Variants in NXPE3 observed in about 807,000 individuals in gnomAD.
The protein encoded by NXPE3 is neurexophilin and PC-esterase domain family member 3.
A neutral mutation model predicts 46.1 loss-of-function variants in NXPE3; 26 were observed. The ratio of observed to expected loss-of-function variants is 0.56; its 90% CI spans 0.41 to 0.78. The LOEUF (loss-of-function observed/expected upper bound fraction) is 0.78. Among genes scored for constraint, NXPE3 ranks in the 30% least tolerant of loss-of-function variants. The pLI is 0.00. For missense variants in NXPE3, 620 were observed against 686.0 expected, an observed-to-expected ratio of 0.90 and a Z score of 1.07; for synonymous variants, 272 against 257.9, an observed-to-expected ratio of 1.05 and a Z score of -0.52.
Position 101,821,813 on chromosome 3 carries a change from C to T in NXPE3, c.1539C>T (p.Phe513=), listed in dbSNP as rs1942271380. Reference sequence around the variant, plus strand: ...TGGACACCATCCTTCGGAGGATGTTCTCAGGGGTTGGAGTATATCTCGTCG... The same window carrying T: ...TGGACACCATCCTTCGGAGGATGTTTTCAGGGGTTGGAGTATATCTCGTCG... ...FQLDTILRRM[F]SGVGVYLVDA... is the part of the protein sequence containing the mutation. The change falls in exon 8 of 8, where the codon TTC becomes TTT. Residue 513 remains phenylalanine (F), a synonymous_variant. Coordinates refer to ENST00000273347, the MANE Select transcript of NXPE3 (RefSeq NM_145037.4). The T allele has an allele frequency of 6.2e-7, 1 of 1,614,176 alleles. No individual in the cohort carries two copies. The highest frequency in any genetic ancestry group is 1.1e-5 in the South Asian group (1 of 91,080).
chr3:101,807,807 CTA>C (rs904414856), intron 6 of NXPE3, among the ~76,000 whole-genome samples: 18 of 152,126 alleles, frequency 1.2e-4, no homozygotes, highest in African/African-American at 4.3e-4. Context: ...TGCCCAATAA[CTA>C]TATGTAGACA....
intron 7 of NXPE3, among the ~76,000 whole-genome samples, chr3:101,818,716 TATATATATA>T (rs1469948777): frequency 0.095 from 3,534 of 37,210 alleles, 229 homozygotes; most frequent in East Asian, 0.22. Context: ...TATGACAATT[TATATATATA>T]TATATATATA....
At chr3:101,813,676 A>G (rs1205532824) in intron 6 of NXPE3, among the ~76,000 whole-genome samples, 2 of 152,122 alleles carry the variant, frequency 1.3e-5, no homozygotes, top group African/African-American at 4.8e-5. Flanking sequence ...TTCACCAGCA[A>G]TTTTCAAGAT....
intron 7 of NXPE3, among the ~76,000 whole-genome samples, chr3:101,818,751 ATATTTTTTTTTTTTTT>A (rs1942109322): frequency 8.6e-5 from 1 of 11,618 alleles, no homozygotes; most frequent in African/African-American, 2.7e-4. Context: ...ATATATATAT[ATATTTTTTTTTTTTTT>A]TTTTTTTTTT....
Position 101,824,062 on chromosome 3 carries a change from C to T in NXPE3, c.*2108C>T, listed in dbSNP as rs967160756. Reference sequence around the variant, plus strand: ...GTTGCAGTGAGCCTTGATTGTGCCACTGTACTCCAGTCTGGGCAACAGGGC... The same window carrying T: ...GTTGCAGTGAGCCTTGATTGTGCCATTGTACTCCAGTCTGGGCAACAGGGC... On this transcript the variant is annotated 3_prime_UTR_variant, in exon 8 of 8. Transcript: ENST00000273347. The T allele has an allele frequency of 6.8e-6, 1 of 146,874 alleles. No individual in the cohort carries two copies. The highest frequency in any genetic ancestry group is 6.9e-5 in the Admixed American group (1 of 14,478). 9.1% of individuals were successfully genotyped at this position (146,874 alleles called of 1,614,324 possible).
rs767522775 is a variant in NXPE3 at position 101,811,512 on chromosome 3, C to T, written c.922+4386C>T. Among the ~76,000 whole-genome samples the T allele has an allele frequency of 5.9e-5, 9 of 152,034 alleles. No homozygotes were observed. In the South Asian group the frequency reaches 6.2e-4, roughly 11 times the overall value. ...CCAGAGATTTCACTTATTGTGTCAT[C>T]GTTTTGAGTCCTTCTTTGTTAGACT... On this transcript the variant is annotated intron_variant, in intron 6 of 7. Transcript: ENST00000273347.
chr3:101,816,101 T>C (rs1941958935), intron 6 of NXPE3, among the ~76,000 whole-genome samples: 3 of 151,772 alleles, frequency 2.0e-5, no homozygotes. Context: ...GAGGCGGAGG[T>C]TGCAGTGAGC....
At chr3:101,807,959 G>A (rs957204931) in intron 6 of NXPE3, among the ~76,000 whole-genome samples, 1 of 152,134 alleles carries the variant, frequency 6.6e-6, no homozygotes, top group African/African-American at 2.4e-5. Context: ...AGAGATATGG[G>A]TAAAATTATC....
intron 6 of NXPE3, among the ~76,000 whole-genome samples, chr3:101,812,329 C>T (rs114857169): frequency 0.074 from 11,203 of 151,960 alleles, 483 homozygotes; most frequent in African/African-American, 0.12. Context: ...TTTCGTTAAC[C>T]GGGAAAATCA....
At chr3:101,816,686 C>T (rs1179702527) in intron 6 of NXPE3, 109 bp from the exon 7 acceptor site, 1 of 814,628 alleles carries the variant, frequency 1.2e-6, no homozygotes, top group African/African-American at 1.7e-5. Context: ...AAATGTTTCC[C>T]ACATGCTATC....
In NXPE3 at chr3:101,826,741, A is replaced by T. The variant is rs622013; in HGVS notation, c.*4787A>T. 79,790 of 151,768 alleles carry T rather than the reference A, an allele frequency of 0.53. 21,311 individuals are homozygous for T. The highest frequency in any genetic ancestry group is 0.77 in the East Asian group (3,939 of 5,146). 9.4% of individuals were successfully genotyped at this position (151,768 alleles called of 1,614,324 possible). A position where few individuals can be genotyped will look rare whatever the true frequency, so the allele number is the denominator to read the frequency against. ...AAGTGCTTTTACATTTTAACTTTTT[A>T]AAAAAATGTGGGCCGGGCATAGTGG... is the stretch of plus-strand genomic sequence containing the variant. On this transcript the variant is annotated 3_prime_UTR_variant, in exon 8 of 8. Coordinates refer to ENST00000273347, the MANE Select transcript of NXPE3 (RefSeq NM_145037.4).
In NXPE3 at chr3:101,808,815, GAGGA is replaced by G. The variant is rs1281757142; in HGVS notation, c.922+1690_922+1693del. Among the ~76,000 whole-genome samples the G allele has an allele frequency of 9.6e-3, 121 of 12,662 alleles. 1 individual carries two copies. Among genetic ancestry groups the G allele is most frequent in the Non-Finnish European group, 0.016 (96 of 5,842 alleles). The allele number at this position is 12,662 out of a possible 152,430, so 8.3% of individuals were successfully genotyped here. The stretch of plus-strand genomic sequence containing the variant: ...TGAACCAAATGAATTACTAATTTTA[GAGGA>G]TATATATATATATATATATATATAT... On this transcript the variant is annotated intron_variant, in intron 6 of 7. Coordinates refer to ENST00000273347, the MANE Select transcript of NXPE3 (RefSeq NM_145037.4).
At chr3:101,804,043 T>A (rs1941296051) in intron 5 of NXPE3, among the ~76,000 whole-genome samples, 1 of 152,184 alleles carries the variant, frequency 6.6e-6, no homozygotes, top group South Asian at 2.1e-4. Flanking sequence ...GTAATTGGAG[T>A]ATCCATTGCC....
At chr3:101,808,704 C>T (rs1941541750) in intron 6 of NXPE3, among the ~76,000 whole-genome samples, 1 of 151,256 alleles carries the variant, frequency 6.6e-6, no homozygotes, top group Non-Finnish European at 1.5e-5. Context: ...AGCCAGGGCA[C>T]TGCCAGTTTA....
Position 101,821,437 on chromosome 3 carries a change from A to G in NXPE3, c.1163A>G (p.Asn388Ser), listed in dbSNP as rs1463666242. 1.2e-6 allele frequency: 2 copies of G among 1,614,036 alleles called. No individual in the cohort carries two copies. The highest frequency in any genetic ancestry group is 1.1e-5 in the South Asian group (1 of 91,082). ...LVEFNLGSPK[N>S]VGPFLAVDQK... ...GAGTTTAACTTGGGTAGTCCCAAGAATGTGGGTCCCTTCCTTGCAGTGGAC... is the reference window on the plus strand; with the variant it reads ...GAGTTTAACTTGGGTAGTCCCAAGAGTGTGGGTCCCTTCCTTGCAGTGGAC... Residue 388 changes from asparagine to serine, a missense_variant, in exon 8 of 8, where the codon AAT becomes AGT. Transcript: ENST00000273347.
In NXPE3 at chr3:101,801,957, C is replaced by T. The variant is rs1218989537; in HGVS notation, c.816C>T (p.Leu272=). 2 of 1,612,484 alleles carry T rather than the reference C, an allele frequency of 1.2e-6. No homozygotes were observed. Among genetic ancestry groups the T allele is most frequent in the East Asian group, 4.5e-5 (2 of 44,868 alleles). The change falls in exon 5 of 8, where the codon CTC becomes CTT. Residue 272 remains leucine (L), a synonymous_variant. Transcript: ENST00000273347. ...TCAAAGGTGGATACCTGAAAGGTCT[C>T]CTAACCGCTGCAGAGAGTGCTTTCT... The part of the protein sequence containing the change: ...THFKGGYLKG[L]LTAAESAFFQ...
chr3:101,790,992 G>A (rs984592388), intron 4 of NXPE3, among the ~76,000 whole-genome samples: 1 of 152,106 alleles, frequency 6.6e-6, no homozygotes, highest in Admixed American at 6.6e-5. Context: ...TACATGTAAA[G>A]GTTTGTTACA....
chr3:101,780,708 TGTTCA>T (rs1224550792), intron 1 of NXPE3, among the ~76,000 whole-genome samples: 1 of 152,228 alleles, frequency 6.6e-6, no homozygotes, highest in African/African-American at 2.4e-5. Flanking sequence ...CCTATCAATG[TGTTCA>T]ATATTTAAAA....
chr3:101,806,948 A>G, intron 5 of NXPE3, 105 bp from the exon 6 acceptor site: 1 of 792,774 alleles, frequency 1.3e-6, no homozygotes, highest in Non-Finnish European at 2.2e-6. Context: ...TTTCATCATA[A>G]TAAGGCTCCG....
Sources: allele counts gnomAD v4.1 joint callset (sites outside exome capture counted in the v4.1 genomes callset), GRCh38; gene constraint gnomAD v4.1.1; transcripts MANE v1.5; gene names NCBI Gene and HGNC (gene_info 2026-07-23, HGNC 2026-07-21).